Variants in TMF1 observed in about 807,000 individuals in gnomAD.
TMF1 encodes the protein TATA element modulatory factor.
In TMF1, 71 loss-of-function variants were observed where a neutral mutation model predicts 126.5. That is an observed-to-expected ratio of 0.56 (90% confidence interval 0.46 to 0.68). TMF1 has a LOEUF of 0.68. Among genes scored for constraint, TMF1 ranks in the 30% least tolerant of loss-of-function variants. The pLI, the probability that TMF1 is intolerant of heterozygous loss-of-function variation, is 0.00. For missense variants in TMF1, 1,259 were observed against 1,253.2 expected (o/e 1.00, Z -0.07); for synonymous variants, 461 against 430.5 (o/e 1.07, Z -0.88).
rs533947727 is a variant in TMF1, at chr3:69,020,662, A to C, written c.*2515T>G. 5.3e-5 allele frequency: 8 copies of C among 152,296 alleles called. No homozygotes were observed. Among genetic ancestry groups the C allele is most frequent in the Admixed American group, 2.0e-4 (3 of 15,302 alleles). The allele number at this position is 152,296 out of a possible 1,614,324, so 9.4% of individuals were successfully genotyped here. A position where few individuals can be genotyped will look rare whatever the true frequency, so the allele number is the denominator to read the frequency against. On this transcript the variant is annotated 3_prime_UTR_variant, in exon 17 of 17. Coordinates refer to ENST00000398559, the MANE Select transcript of TMF1 (RefSeq NM_007114.3). Reference sequence around the variant, plus strand: ...TTCTGCCACCTACTGGAGTTTTTCAAGAAACTGTTTAAGTTCACTTTAACT... The same window carrying C: ...TTCTGCCACCTACTGGAGTTTTTCACGAAACTGTTTAAGTTCACTTTAACT...
At chr3:69,042,307 A>G (rs769543893) in intron 5 of TMF1, 2 of 454,814 alleles carry the variant, frequency 4.4e-6, no homozygotes, top group South Asian at 3.1e-5. Flanking sequence ...CCAAGTGCTG[A>G]GATTACAGTC....
chr3:69,043,761 C>T lies in TMF1; in HGVS notation c.1567G>A (p.Ala523Thr), dbSNP rs1244681247. The change falls in exon 4 of 17, where the codon GCT becomes ACT. Residue 523 changes from alanine to threonine, a missense_variant. By Grantham distance (58) the Ala-to-Thr change is moderately conservative. Coordinates refer to ENST00000398559, the MANE Select transcript of TMF1 (RefSeq NM_007114.3). ...KVQLACKERD[A>T]AKKEIKNIKE... ...TAAATTTCAATTACCTTTTTAGCAG[C>T]ATCTCTCTCTTTGCAGGCTAGTTGA... is the stretch of plus-strand genomic sequence containing the variant. 11 of 1,606,266 alleles carry T rather than the reference C, an allele frequency of 6.8e-6. No individual in the cohort carries two copies. In the Admixed American group the frequency reaches 8.5e-5, roughly 12 times the overall value.
At chr3:69,048,900 AAGATACCTATG>A (rs2091911373) in intron 1 of TMF1, 1 of 192,634 alleles carries the variant, frequency 5.2e-6, no homozygotes, top group African/African-American at 2.3e-5. Flanking sequence ...CAGTAAGTCC[AAGATACCTATG>A]ATTCATCTCA....
intron 5 of TMF1, 70 bp from the exon 6 acceptor site, chr3:69,039,763 CTAAT>C: frequency 6.7e-7 from 1 of 1,488,798 alleles, no homozygotes; most frequent in Non-Finnish European, 9.0e-7. Flanking sequence ...AATGTTTTAT[CTAAT>C]AGTAACATAA....
chr3:69,034,977 A>T (rs765510025), intron 9 of TMF1, 46 bp downstream of exon 9: 1 of 1,517,666 alleles, frequency 6.6e-7, no homozygotes, highest in African/African-American at 1.4e-5. Flanking sequence ...ATTTCTAGAA[A>T]AACACATACT....
intron 1 of TMF1, among the ~76,000 whole-genome samples, chr3:69,051,342 G>A (rs1328513963): frequency 6.6e-6 from 1 of 152,124 alleles, no homozygotes; most frequent in Non-Finnish European, 1.5e-5. Flanking sequence ...GGGCGTGGTG[G>A]TGGGCGCCTG....
intron 1 of TMF1, chr3:69,048,873 A>C: frequency 4.4e-6 from 1 of 225,538 alleles, no homozygotes; most frequent in Non-Finnish European, 8.7e-6. Flanking sequence ...AAGTAACAGT[A>C]TATGTTTTAT....
At chr3:69,035,289 T>C in intron 8 of TMF1, 174 bp from the exon 9 acceptor site, 3 of 564,730 alleles carry the variant, frequency 5.3e-6, no homozygotes, top group Middle Eastern at 4.4e-4. Flanking sequence ...ATTCTAAAAC[T>C]GTATGTATAT....
intron 11 of TMF1, among the ~76,000 whole-genome samples, chr3:69,028,544 T>C (rs1198021996): frequency 6.6e-6 from 1 of 152,202 alleles, no homozygotes; most frequent in East Asian, 1.9e-4. Flanking sequence ...AAGATTTCAT[T>C]TAAAAAGAGA....
At chr3:69,033,894 A>C in intron 9 of TMF1, 190 bp from the exon 10 acceptor site, 1 of 487,276 alleles carries the variant, frequency 2.1e-6, no homozygotes, top group Non-Finnish European at 3.5e-6. Flanking sequence ...GCAGTGGCAC[A>C]ATCGTGGCTC....
intron 3 of TMF1, among the ~76,000 whole-genome samples, chr3:69,044,240 A>G (rs2271119): frequency 0.28 from 42,295 of 151,854 alleles, 6,149 homozygotes; most frequent in East Asian, 0.52. Flanking sequence ...TACGTTTTAA[A>G]TCTCTAATAC....
intron 10 of TMF1, 108 bp downstream of exon 10, chr3:69,033,440 C>T (rs1575812241): frequency 2.4e-6 from 3 of 1,248,346 alleles, no homozygotes; most frequent in East Asian, 5.1e-5. Flanking sequence ...ATATTAGACA[C>T]AAAATGTAAC....
At chr3:69,043,343 T>C (rs1033089737) in intron 4 of TMF1, among the ~76,000 whole-genome samples, 3 of 152,080 alleles carry the variant, frequency 2.0e-5, no homozygotes, top group African/African-American at 7.2e-5. Context: ...CTAATCTTTG[T>C]ATTTTTTGTA....
intron 5 of TMF1, among the ~76,000 whole-genome samples, chr3:69,039,960 T>G (rs568095492): frequency 2.5e-4 from 38 of 152,334 alleles, no homozygotes; most frequent in African/African-American, 9.1e-4. Flanking sequence ...AATCTGGCAG[T>G]CAACTCCTTA....
intron 1 of TMF1, among the ~76,000 whole-genome samples, chr3:69,051,167 G>T (rs544571844): frequency 2.5e-4 from 38 of 152,226 alleles, no homozygotes; most frequent in African/African-American, 9.1e-4. Context: ...CTCTCTGGGA[G>T]TTGTTCTGAA....
rs2091736505 is a variant in TMF1 at position 69,021,405 on chromosome 3, A to C, written c.*1772T>G. ...CTGTCATTCTGCCCTTGAATATTAC[A>C]CACACAAAAAAATCAAGCTGACAAA... On this transcript the variant is annotated 3_prime_UTR_variant, in exon 17 of 17. Coordinates refer to ENST00000398559, the MANE Select transcript of TMF1 (RefSeq NM_007114.3). 1 of 152,560 alleles carries C rather than the reference A, an allele frequency of 6.6e-6. No individual in the cohort carries two copies. 9.5% of individuals were successfully genotyped at this position (152,560 alleles called of 1,614,324 possible). A position where few individuals can be genotyped will look rare whatever the true frequency, so the allele number is the denominator to read the frequency against.
chr3:69,052,190 T>C lies in TMF1; in HGVS notation c.-104A>G, dbSNP rs984070757. On this transcript the variant is annotated 5_prime_UTR_variant, in exon 1 of 17. Transcript: ENST00000398559. ...GCTTCGCTCCCCTTTTCCACTCGGC[T>C]GGTTCTGTCAGCGTGTGGCCATTAC... 8 of 1,332,602 alleles carry C rather than the reference T, an allele frequency of 6.0e-6. No homozygotes were observed. The highest frequency in any genetic ancestry group is 5.9e-5 in the African/African-American group (4 of 67,288). 82.5% of individuals were successfully genotyped at this position (1,332,602 alleles called of 1,614,324 possible).
At chr3:69,042,228 G>A in intron 5 of TMF1, 1 of 408,396 alleles carries the variant, frequency 2.4e-6, no homozygotes, top group Admixed American at 3.0e-5. Flanking sequence ...AGTAGAGACG[G>A]GGTTTCACCA....
chr3:69,035,099 A>C lies in TMF1; in HGVS notation c.2168T>G (p.Leu723Arg). ...CGCTTGTTCTGTACGCTGCAATGCA[A>C]GCCTAAGGTCCCCCACCTGTAGGAG... Reference protein sequence around the residue: ...TLAIQVGDLRLALQRTEQAAA... With the variant: ...TLAIQVGDLRRALQRTEQAAA... The change falls in exon 9 of 17, where the codon CTT becomes CGT. Residue 723 changes from leucine to arginine, a missense_variant. Leu to Arg is a moderately radical substitution (Grantham distance 102). Coordinates refer to ENST00000398559, the MANE Select transcript of TMF1 (RefSeq NM_007114.3). The C allele has an allele frequency of 6.2e-7, 1 of 1,614,130 alleles. No individual in the cohort carries two copies. The highest frequency in any genetic ancestry group is 1.1e-5 in the South Asian group (1 of 91,076).
Sources: gnomAD v4.1 joint callset for allele counts (sites outside exome capture counted in the v4.1 genomes callset) on GRCh38, gnomAD v4.1.1 for gene constraint, MANE v1.5 for transcripts, NCBI Gene and HGNC (gene_info 2026-07-23, HGNC 2026-07-21) for gene names.